PCDHA1: variants seen among roughly 807,000 people sequenced by gnomAD.
The protein encoded by PCDHA1 is protocadherin alpha 1, also known as protocadherin alpha-1.
Under a neutral mutation model 61.3 loss-of-function variants are expected in PCDHA1, and 42 were observed. The observed-to-expected ratio is 0.69, with a 90% CI of 0.54 to 0.89. The LOEUF (loss-of-function observed/expected upper bound fraction) is 0.89. PCDHA1 is among the 40% of genes least tolerant of loss of function. The pLI, the probability that PCDHA1 is intolerant of heterozygous loss-of-function variation, is 0.00. For synonymous variants in PCDHA1, 610 were observed against 553.8 expected (o/e 1.10, Z -1.43); for missense variants, 1,256 against 1,235.3 (o/e 1.02, Z -0.25).
chr5:140,966,932 G>T, intron 1 of PCDHA1: 2 of 1,603,726 alleles, frequency 1.2e-6, no homozygotes, highest in Non-Finnish European at 1.7e-6. Context: ...GGCACCCGGC[G>T]CGCTCGTGGG....
At chr5:140,916,825 C>T (rs2077750975) in intron 1 of PCDHA1, among the ~76,000 whole-genome samples, 1 of 152,144 alleles carries the variant, frequency 6.6e-6, no homozygotes, top group Non-Finnish European at 1.5e-5. Context: ...CCACCCCTAT[C>T]CCTCTGGTTC....
intron 1 of PCDHA1, chr5:140,861,372 A>G (rs2046882996): frequency 8.6e-5 from 35 of 407,054 alleles, no homozygotes; most frequent in South Asian, 7.5e-4. Context: ...CGCGGTCCCT[A>G]TTGCGCAGGA....
At chr5:140,877,920 C>A in intron 1 of PCDHA1, 1 of 1,422,738 alleles carries the variant, frequency 7.0e-7, no homozygotes, top group Admixed American at 2.9e-5. Flanking sequence ...TCTCATTTTT[C>A]TTTATGATTC....
chr5:140,867,664 C>T (rs2050091732), intron 1 of PCDHA1: 1 of 152,076 alleles, frequency 6.6e-6, no homozygotes, highest in African/African-American at 2.4e-5. Flanking sequence ...TCACTTTCTA[C>T]TCTAAAATTT....
chr5:140,797,024 C>T, intron 1 of PCDHA1: 1 of 1,613,746 alleles, frequency 6.2e-7, no homozygotes, highest in Non-Finnish European at 8.5e-7. Flanking sequence ...GTGGGCGCCG[C>T]GGGCTCAGAG....
intron 1 of PCDHA1, among the ~76,000 whole-genome samples, chr5:140,821,171 C>G (rs1442179324): frequency 6.6e-6 from 1 of 151,960 alleles, no homozygotes; most frequent in Non-Finnish European, 1.5e-5. Context: ...TACAAACATT[C>G]CATTGACTAA....
At chr5:140,795,444 A>C in intron 1 of PCDHA1, 1 of 1,614,206 alleles carries the variant, frequency 6.2e-7, no homozygotes, top group East Asian at 2.2e-5. Context: ...CATCTGATGC[A>C]GATATAGGAG....
At chr5:140,822,741 G>A (rs144515035) in intron 1 of PCDHA1, 8 of 1,613,400 alleles carry the variant, frequency 5.0e-6, no homozygotes, top group East Asian at 2.2e-5. Flanking sequence ...TTGATGCCAT[G>A]GATAAAAGTA....
At chr5:140,879,257 G>A (rs782639090) in intron 1 of PCDHA1, among the ~76,000 whole-genome samples, 3 of 152,202 alleles carry the variant, frequency 2.0e-5, no homozygotes, top group Non-Finnish European at 4.4e-5. Flanking sequence ...AGTAGAAGCA[G>A]CCAGATAATG....
chr5:140,821,224 G>A (rs1766920649), intron 1 of PCDHA1, among the ~76,000 whole-genome samples: 1 of 152,100 alleles, frequency 6.6e-6, no homozygotes, highest in Non-Finnish European at 1.5e-5. Context: ...TGTTTAAATA[G>A]AGATGAGAAA....
chr5:140,869,819 A>G, intron 1 of PCDHA1: 1 of 1,612,282 alleles, frequency 6.2e-7, no homozygotes, highest in Non-Finnish European at 8.5e-7. Context: ...AACGACAATG[A>G]TCCAGAGTTT....
rs138893413 is a variant in PCDHA1, at chr5:140,976,899, T to C, written c.2395-2050T>C. Among the ~76,000 whole-genome samples, 191 of 152,340 alleles carry C rather than the reference T, an allele frequency of 1.3e-3. 1 individual carries two copies. The highest frequency in any genetic ancestry group is 4.3e-3 in the African/African-American group (179 of 41,576). ...AAGAATTAGGATACATGCAACAGTA[T>C]GTAATAAAGTGCAAAATCTAGTACT... On this transcript the variant is annotated intron_variant, in intron 1 of 3. Transcript: ENST00000504120.
At chr5:141,007,459 T>A (rs1323177537) in intron 3 of PCDHA1, among the ~76,000 whole-genome samples, 1 of 149,426 alleles carries the variant, frequency 6.7e-6, no homozygotes, top group Non-Finnish European at 1.5e-5. Context: ...TCCCAGCTAC[T>A]CAGGAGGCTG....
Position 140,842,281 on chromosome 5 carries a change from T to G in PCDHA1, c.2394+53597T>G, listed in dbSNP as rs1777847899. On this transcript the variant is annotated intron_variant, in intron 1 of 3. Coordinates refer to ENST00000504120, the MANE Select transcript of PCDHA1 (RefSeq NM_018900.4). Reference sequence around the variant, plus strand: ...AAGAAAACTTATACAAAATCCTCATTGACGCCACGGACAAAGGCCATCCTC... The same window carrying G: ...AAGAAAACTTATACAAAATCCTCATGGACGCCACGGACAAAGGCCATCCTC... 3 of 1,610,824 alleles carry G rather than the reference T, an allele frequency of 1.9e-6. No individual in the cohort carries two copies. The East Asian group carries it at 6.7e-5, about 36-fold the overall frequency.
intron 1 of PCDHA1, chr5:140,867,855 G>T (rs1340065029): frequency 6.6e-6 from 1 of 151,976 alleles, no homozygotes; most frequent in African/African-American, 2.4e-5. Context: ...TAGTTGAATT[G>T]TTTGATTAAT....
intron 1 of PCDHA1, among the ~76,000 whole-genome samples, chr5:140,905,695 C>T (rs1350689939): frequency 6.6e-6 from 1 of 152,134 alleles, no homozygotes; most frequent in African/African-American, 2.4e-5. Context: ...TTGTTTGTGT[C>T]ATTTATGATT....
At chr5:140,807,188 A>C in intron 1 of PCDHA1, 1 of 1,613,140 alleles carries the variant, frequency 6.2e-7, no homozygotes, top group Non-Finnish European at 8.5e-7. Context: ...TGCACTAAAG[A>C]TGGAGTTTTC....
At chr5:140,962,438 GATGGCTTGAATCTCTT>G (rs1298191516) in intron 1 of PCDHA1, among the ~76,000 whole-genome samples, 11 of 152,108 alleles carry the variant, frequency 7.2e-5, no homozygotes, top group East Asian at 5.8e-4. Flanking sequence ...CTTATCCAAA[GATGGCTTGAATCTCTT>G]ATGGCTTGAA....
Position 140,838,087 on chromosome 5 carries a change from T to A in PCDHA1, c.2394+49403T>A, listed in dbSNP as rs1474008542. On this transcript the variant is annotated intron_variant, in intron 1 of 3. Coordinates refer to ENST00000504120, the MANE Select transcript of PCDHA1 (RefSeq NM_018900.4). Reference sequence around the variant, plus strand: ...AAGTTATATATATATAGTGTGTGTGTGTGTGTGTGTGTGTGTGTGTGTGTG... The same window carrying A: ...AAGTTATATATATATAGTGTGTGTGAGTGTGTGTGTGTGTGTGTGTGTGTG... Among the ~76,000 whole-genome samples the A allele has an allele frequency of 7.9e-4, 77 of 97,646 alleles. 1 individual carries two copies. Among genetic ancestry groups the A allele is most frequent in the South Asian group, 3.4e-3 (11 of 3,264 alleles). 64.1% of individuals were successfully genotyped at this position (97,646 alleles called of 152,430 possible).
Sources: allele counts gnomAD v4.1 joint callset (sites outside exome capture counted in the v4.1 genomes callset), GRCh38; gene constraint gnomAD v4.1.1; transcripts MANE v1.5; gene names NCBI Gene and HGNC (gene_info 2026-07-23, HGNC 2026-07-21).